The following HEMK2 variants were observed in gnomAD, a reference collection of about 807,000 sequenced individuals.
HEMK2 encodes the protein methyltransferase HEMK2.
the HEMK2 span, among the ~76,000 whole-genome samples, chr21:28,644,808 T>C: frequency 6.6e-6 from 1 of 152,194 alleles, no homozygotes; most frequent in Non-Finnish European, 1.5e-5. Flanking sequence ...CAATGTAAAA[T>C]ACTGGAAATC....
At chr21:28,689,302 G>A in the HEMK2 span, among the ~76,000 whole-genome samples, 1 of 152,080 alleles carries the variant, frequency 6.6e-6, no homozygotes, top group Non-Finnish European at 1.5e-5. Flanking sequence ...AATCACAAAT[G>A]TCTTAGGGTT....
At chr21:28,779,873 T>G in the HEMK2 span, among the ~76,000 whole-genome samples, 1 of 151,922 alleles carries the variant, frequency 6.6e-6, no homozygotes, top group Non-Finnish European at 1.5e-5. Flanking sequence ...TGTAAGAATT[T>G]TCTTGTTTTT....
the HEMK2 span, among the ~76,000 whole-genome samples, chr21:28,837,309 T>A: frequency 2.0e-5 from 3 of 152,172 alleles, no homozygotes; most frequent in Non-Finnish European, 2.9e-5. Flanking sequence ...AAATGAGCCT[T>A]AATAAATTTA....
At chr21:28,730,102 G>A in the HEMK2 span, among the ~76,000 whole-genome samples, 8 of 152,188 alleles carry the variant, frequency 5.3e-5, no homozygotes, top group South Asian at 2.1e-4. Flanking sequence ...ACATTGCCGG[G>A]CTTGGTGGCT....
At chr21:28,649,400 C>T in the HEMK2 span, among the ~76,000 whole-genome samples, 2 of 152,194 alleles carry the variant, frequency 1.3e-5, no homozygotes, top group African/African-American at 2.4e-5. Flanking sequence ...CCTCAGTGAA[C>T]AAACCTTTGA....
the HEMK2 span, among the ~76,000 whole-genome samples, chr21:28,579,317 T>A: frequency 6.6e-5 from 10 of 152,228 alleles, no homozygotes; most frequent in Non-Finnish European, 1.3e-4. Context: ...TGTGTTTATA[T>A]ATACACGTGC....
At chr21:28,581,666 C>G in the HEMK2 span, among the ~76,000 whole-genome samples, 1 of 152,170 alleles carries the variant, frequency 6.6e-6, no homozygotes, top group Admixed American at 6.5e-5. Context: ...CTAGATCGTT[C>G]CAGGCAGCTG....
the HEMK2 span, among the ~76,000 whole-genome samples, chr21:28,627,076 A>C: frequency 1.3e-5 from 2 of 152,196 alleles, no homozygotes; most frequent in African/African-American, 4.8e-5. Context: ...CAAATACTGA[A>C]ATGTGCAACA....
the HEMK2 span, among the ~76,000 whole-genome samples, chr21:28,580,537 C>G: frequency 6.8e-6 from 1 of 148,140 alleles, no homozygotes; most frequent in Non-Finnish European, 1.5e-5. Flanking sequence ...GTTCAACTAG[C>G]TTGGCTAAAA....
the HEMK2 span, among the ~76,000 whole-genome samples, chr21:28,725,582 G>T: frequency 6.6e-6 from 1 of 152,302 alleles, no homozygotes; most frequent in East Asian, 1.9e-4. Flanking sequence ...AGACAAGAGT[G>T]AGGGCTTAGG....
chr21:28,788,777 C>G, the HEMK2 span, among the ~76,000 whole-genome samples: 4 of 151,052 alleles, frequency 2.6e-5, no homozygotes, highest in Non-Finnish European at 5.9e-5. Flanking sequence ...ACTCTCAGAA[C>G]GTAACCCTAT....
the HEMK2 span, among the ~76,000 whole-genome samples, chr21:28,791,487 G>T: frequency 3.3e-5 from 5 of 152,184 alleles, no homozygotes; most frequent in Non-Finnish European, 7.3e-5. Context: ...GGGTGAGAGA[G>T]TGGGGCTAAG....
the HEMK2 span, among the ~76,000 whole-genome samples, chr21:28,862,736 TC>T: frequency 6.6e-6 from 1 of 152,194 alleles, no homozygotes; most frequent in African/African-American, 2.4e-5. Flanking sequence ...GAGTATTTCC[TC>T]CTTTTGTTAA....
At chr21:28,868,115 A>G in the HEMK2 span, among the ~76,000 whole-genome samples, 1 of 152,102 alleles carries the variant, frequency 6.6e-6, no homozygotes, top group Non-Finnish European at 1.5e-5. Flanking sequence ...ATTCTGTTTC[A>G]GTTTATTTAT....
At chr21:28,764,202 T>C in the HEMK2 span, among the ~76,000 whole-genome samples, 1 of 152,122 alleles carries the variant, frequency 6.6e-6, no homozygotes, top group Admixed American at 6.6e-5. Flanking sequence ...CAACCTAAGA[T>C]AGCCAAGTAG....
At chr21:28,874,238 C>G in the HEMK2 span, 1 of 152,180 alleles carries the variant, frequency 6.6e-6, no homozygotes. Context: ...TGTGGAATAC[C>G]ATGGTCATAG....
At chr21:28,603,555 G>A in the HEMK2 span, among the ~76,000 whole-genome samples, 6 of 117,336 alleles carry the variant, frequency 5.1e-5, no homozygotes, top group East Asian at 2.2e-4. Context: ...ATATATGTGT[G>A]TGTGTGTGTG....
the HEMK2 span, among the ~76,000 whole-genome samples, chr21:28,702,305 G>A: frequency 5.9e-5 from 6 of 101,022 alleles, no homozygotes; most frequent in Admixed American, 9.6e-5. Context: ...AAAAGCTATT[G>A]CAACAAAAAA....
At chr21:28,610,545 G>A in the HEMK2 span, among the ~76,000 whole-genome samples, 1 of 152,066 alleles carries the variant, frequency 6.6e-6, no homozygotes, top group Non-Finnish European at 1.5e-5. Context: ...AGAATAGTAT[G>A]TCACATCTTA....
Sources: gnomAD v4.1 joint callset for allele counts (sites outside exome capture counted in the v4.1 genomes callset) on GRCh38, gnomAD v4.1.1 for gene constraint, MANE v1.5 for transcripts, NCBI Gene and HGNC (gene_info 2026-07-23, HGNC 2026-07-21) for gene names.